Variants in S100Z observed in about 807,000 individuals in gnomAD.
S100Z encodes protein S100-Z.
A neutral mutation model predicts 8.5 loss-of-function variants in S100Z; 11 were observed. That is an observed-to-expected ratio of 1.30 (90% CI 0.82 to 2.15). S100Z has a LOEUF of 2.15. Among genes scored for constraint, S100Z ranks in the 30% most tolerant of loss-of-function variants. S100Z has a pLI of 0.00. For missense variants in S100Z, 126 were observed against 117.9 expected (o/e 1.07, Z -0.32); for synonymous variants, 34 against 43.8 (o/e 0.78, Z 0.89).
the S100Z span, among the ~76,000 whole-genome samples, chr5:76,928,464 T>C: frequency 6.6e-6 from 1 of 152,124 alleles, no homozygotes; most frequent in Admixed American, 6.5e-5. Context: ...TTTTATATAA[T>C]AAAAAAGGCT....
intron 1 of S100Z, among the ~76,000 whole-genome samples, chr5:76,868,776 A>G (rs61161476): frequency 0.2 from 30,500 of 151,968 alleles, 3,274 homozygotes; most frequent in African/African-American, 0.26. Context: ...GGCGCATGCC[A>G]CCACATCTCA....
At chr5:76,861,741 C>A (rs1233582817) in intron 1 of S100Z, among the ~76,000 whole-genome samples, 1 of 152,220 alleles carries the variant, frequency 6.6e-6, no homozygotes, top group South Asian at 2.1e-4. Context: ...ATGTGACTGG[C>A]TGAGGTTCAG....
At chr5:76,869,579 T>G (rs569631024) in intron 1 of S100Z, among the ~76,000 whole-genome samples, 26 of 152,248 alleles carry the variant, frequency 1.7e-4, no homozygotes, top group African/African-American at 5.5e-4. Flanking sequence ...GATCAGCTTC[T>G]CTGACAGCAG....
At chr5:76,888,995 C>T (rs958345156) in intron 4 of S100Z, among the ~76,000 whole-genome samples, 1 of 152,122 alleles carries the variant, frequency 6.6e-6, no homozygotes, top group Non-Finnish European at 1.5e-5. Context: ...AGGTGCCCTA[C>T]ATTTGCATAT....
the S100Z span, among the ~76,000 whole-genome samples, chr5:76,951,007 A>G: frequency 6.6e-6 from 1 of 151,046 alleles, no homozygotes; most frequent in Non-Finnish European, 1.5e-5. Flanking sequence ...TGTAGTTTCC[A>G]TCTTTTAATT....
At chr5:76,877,472 A>T (rs1743237636) in intron 3 of S100Z, among the ~76,000 whole-genome samples, 1 of 152,092 alleles carries the variant, frequency 6.6e-6, no homozygotes, top group Non-Finnish European at 1.5e-5. Context: ...CTGAGCCAGG[A>T]TTATATGGAG....
At chr5:76,852,734 A>G (rs1181882692) in intron 1 of S100Z, among the ~76,000 whole-genome samples, 1 of 152,182 alleles carries the variant, frequency 6.6e-6, no homozygotes. Context: ...ACAAACAAAC[A>G]AAAAACAGCA....
At chr5:76,937,826 A>T in the S100Z span, among the ~76,000 whole-genome samples, 3 of 149,128 alleles carry the variant, frequency 2.0e-5, no homozygotes, top group South Asian at 6.3e-4. Context: ...TCTTCTTTTC[A>T]TCCCTATTAT....
intron 4 of S100Z, among the ~76,000 whole-genome samples, chr5:76,904,196 C>G (rs1180605047): frequency 6.6e-6 from 1 of 152,046 alleles, no homozygotes; most frequent in Non-Finnish European, 1.5e-5. Context: ...TCCCCCCTAA[C>G]CCCACTTTTC....
chr5:76,889,065 A>C (rs982934832), intron 4 of S100Z, among the ~76,000 whole-genome samples: 2 of 152,196 alleles, frequency 1.3e-5, no homozygotes, highest in African/African-American at 4.8e-5. Flanking sequence ...ATGCCTGGTC[A>C]AACCAAGCCC....
At chr5:76,946,244 C>A in the S100Z span, among the ~76,000 whole-genome samples, 11 of 152,176 alleles carry the variant, frequency 7.2e-5, no homozygotes, top group Non-Finnish European at 1.5e-4. Flanking sequence ...AGCCTTCTCG[C>A]CAAATCACCA....
chr5:76,856,356 C>T (rs1025556296), intron 1 of S100Z, among the ~76,000 whole-genome samples: 4 of 152,164 alleles, frequency 2.6e-5, no homozygotes, highest in Admixed American at 2.0e-4. Context: ...CATGGCACCA[C>T]ACCTGGCCAA....
At chr5:76,860,700 A>G (rs572259034) in intron 1 of S100Z, among the ~76,000 whole-genome samples, 1 of 152,324 alleles carries the variant, frequency 6.6e-6, no homozygotes, top group African/African-American at 2.4e-5. Context: ...ATAAGTTAAA[A>G]GCCTATTATT....
intron 1 of S100Z, among the ~76,000 whole-genome samples, chr5:76,850,825 T>C (rs1174044708): frequency 6.6e-6 from 1 of 152,152 alleles, no homozygotes; most frequent in Non-Finnish European, 1.5e-5. Flanking sequence ...TTTTTGTTTT[T>C]TGTTTTTTTC....
the S100Z span, among the ~76,000 whole-genome samples, chr5:76,931,286 A>G: frequency 6.6e-6 from 1 of 151,486 alleles, no homozygotes; most frequent in Non-Finnish European, 1.5e-5. Flanking sequence ...TTTTTAAAAA[A>G]CTTTTTTGTA....
At chr5:76,863,718 T>C (rs1271550134) in intron 1 of S100Z, among the ~76,000 whole-genome samples, 3 of 152,006 alleles carry the variant, frequency 2.0e-5, no homozygotes, top group South Asian at 2.1e-4. Context: ...TTTTGTATTT[T>C]TAGTAGAGAC....
At position 76,916,771 on chromosome 5, in the gene S100Z, G is replaced by C. The variant is rs910807179; in HGVS notation, c.*3-3946G>C. Among the ~76,000 whole-genome samples the C allele has an allele frequency of 1.1e-4, 17 of 152,132 alleles. 1 individual carries two copies. The highest frequency in any genetic ancestry group is 1.0e-3 in the Admixed American group (16 of 15,262). On this transcript the variant is annotated intron_variant, in intron 4 of 4. Coordinates refer to ENST00000317593, the MANE Select transcript of S100Z (RefSeq NM_130772.4). ...AAAGACGATATATCAAAATTTGTAA[G>C]ATACTGCTAAAGAAGTCTTGAGAGG...
At chr5:76,887,583 A>G (rs1208310783) in intron 4 of S100Z, among the ~76,000 whole-genome samples, 6 of 151,832 alleles carry the variant, frequency 4.0e-5, no homozygotes, top group Admixed American at 6.6e-5. Flanking sequence ...TTTTTAGTAG[A>G]GACGGGGTCT....
At chr5:76,917,929 T>G (rs1744904846) in intron 4 of S100Z, among the ~76,000 whole-genome samples, 2 of 152,204 alleles carry the variant, frequency 1.3e-5, no homozygotes, top group Non-Finnish European at 2.9e-5. Flanking sequence ...GGTGGACGTC[T>G]AGTTGGTTTC....
Sources: allele counts gnomAD v4.1 joint callset (sites outside exome capture counted in the v4.1 genomes callset), GRCh38; gene constraint gnomAD v4.1.1; transcripts MANE v1.5; gene names NCBI Gene and HGNC (gene_info 2026-07-23, HGNC 2026-07-21).